Variants in DCC observed in about 807,000 individuals in gnomAD.
The protein encoded by DCC is netrin receptor DCC.
Under a neutral mutation model 172.5 loss-of-function variants are expected in DCC, and 58 were observed. The ratio of observed to expected loss-of-function variants is 0.34; its 90% CI spans 0.27 to 0.42. The LOEUF is 0.42. Among genes scored for constraint, DCC ranks in the 10% least tolerant of loss-of-function variants. The pLI, the probability that DCC is intolerant of heterozygous loss-of-function variation, is 1.00. For missense variants in DCC, 1,740 were observed against 1,791.0 expected (o/e 0.97, Z 0.51); for synonymous variants, 709 against 644.5 (o/e 1.10, Z -1.52).
chr18:52,783,629 A>G (rs1180735318), intron 2 of DCC, among the ~76,000 whole-genome samples: 1 of 151,882 alleles, frequency 6.6e-6, no homozygotes, highest in African/African-American at 2.4e-5. Flanking sequence ...AAGAGTCCTC[A>G]TGTCTAATCC....
At chr18:52,545,187 A>C (rs1463938430) in intron 1 of DCC, among the ~76,000 whole-genome samples, 3 of 152,204 alleles carry the variant, frequency 2.0e-5, no homozygotes, top group African/African-American at 7.2e-5. Context: ...GATTTAGTTT[A>C]TCAGGATATG....
At chr18:52,599,444 G>A (rs1169980371) in intron 1 of DCC, among the ~76,000 whole-genome samples, 5 of 152,114 alleles carry the variant, frequency 3.3e-5, no homozygotes, top group East Asian at 3.8e-4. Context: ...ATGTGGCTGC[G>A]TTCCAATAAT....
chr18:52,470,494 C>T (rs1304227620), intron 1 of DCC, among the ~76,000 whole-genome samples: 1 of 152,146 alleles, frequency 6.6e-6, no homozygotes, highest in Non-Finnish European at 1.5e-5. Context: ...AGTCTTTTCA[C>T]TTAGTCTGTA....
intron 25 of DCC, among the ~76,000 whole-genome samples, chr18:53,472,124 A>C (rs946352744): frequency 6.6e-6 from 1 of 152,180 alleles, no homozygotes; most frequent in African/African-American, 2.4e-5. Flanking sequence ...ATTTTACTAT[A>C]ATAAGTGCAA....
chr18:52,617,693 GT>G (rs2034409428), intron 1 of DCC, among the ~76,000 whole-genome samples: 1 of 151,822 alleles, frequency 6.6e-6, no homozygotes. Flanking sequence ...CTTTCTTACC[GT>G]TCTCTTACTT....
chr18:52,360,093 A>G (rs16954757), intron 1 of DCC, among the ~76,000 whole-genome samples: 1,686 of 152,270 alleles, frequency 0.011, 34 homozygotes, highest in African/African-American at 0.039. Flanking sequence ...TTTTTTTGCA[A>G]ATCACATTAA....
intron 1 of DCC, among the ~76,000 whole-genome samples, chr18:52,554,910 T>G (rs922068993): frequency 3.9e-5 from 6 of 151,998 alleles, no homozygotes; most frequent in Non-Finnish European, 7.4e-5. Context: ...ATTAATTAAT[T>G]TGAATAGAAT....
At chr18:53,213,161 TACA>T (rs1040050522) in intron 11 of DCC, among the ~76,000 whole-genome samples, 7 of 152,196 alleles carry the variant, frequency 4.6e-5, no homozygotes, top group Admixed American at 4.6e-4. Context: ...GAACAGTACC[TACA>T]ACAAAACACA....
chr18:52,459,928 T>C (rs938865503), intron 1 of DCC, among the ~76,000 whole-genome samples: 37 of 151,958 alleles, frequency 2.4e-4, no homozygotes, highest in African/African-American at 6.5e-4. Context: ...CATATATATA[T>C]ACACACCACA....
At chr18:53,074,437 G>A (rs971913067) in intron 7 of DCC, among the ~76,000 whole-genome samples, 9 of 152,120 alleles carry the variant, frequency 5.9e-5, no homozygotes, top group African/African-American at 2.2e-4. Context: ...TAGCTCATAA[G>A]CTTCCCTAGA....
intron 1 of DCC, among the ~76,000 whole-genome samples, chr18:52,694,876 T>C (rs886492875): frequency 1.3e-5 from 2 of 152,214 alleles, no homozygotes; most frequent in African/African-American, 4.8e-5. Flanking sequence ...ATAATTCTAC[T>C]GGTTCTCTGT....
chr18:52,860,222 A>C (rs1339659603), intron 2 of DCC, among the ~76,000 whole-genome samples: 2 of 152,222 alleles, frequency 1.3e-5, no homozygotes, highest in Non-Finnish European at 2.9e-5. Flanking sequence ...TTGTAGTTTA[A>C]ATCAGGTGTT....
At chr18:52,987,089 T>C (rs1407490635) in intron 5 of DCC, among the ~76,000 whole-genome samples, 1 of 152,158 alleles carries the variant, frequency 6.6e-6, no homozygotes, top group South Asian at 2.1e-4. Context: ...CCCAAAATGC[T>C]GGGATTACAG....
intron 8 of DCC, among the ~76,000 whole-genome samples, chr18:53,159,199 T>C (rs1271373519): frequency 1.3e-5 from 2 of 152,128 alleles, no homozygotes; most frequent in African/African-American, 4.8e-5. Flanking sequence ...ATCATGTTTT[T>C]ACATGGATTT....
chr18:52,714,155 A>G lies in DCC; in HGVS notation c.92-37899A>G, dbSNP rs193032149. Among the ~76,000 whole-genome samples the G allele has an allele frequency of 8.5e-5, 13 of 152,324 alleles. No homozygotes were observed. The East Asian group carries it at 1.7e-3, about 20-fold the overall frequency. ...TACCAGGTGGCAATGTTAAGGACAC[A>G]CTACTAGTAAGAAGCAGAACAAAGA... On this transcript the variant is annotated intron_variant, in intron 1 of 28. Coordinates refer to ENST00000442544, the MANE Select transcript of DCC (RefSeq NM_005215.4).
intron 22 of DCC, among the ~76,000 whole-genome samples, chr18:53,445,392 A>C (rs2145137980): frequency 6.6e-6 from 1 of 152,354 alleles, no homozygotes; most frequent in East Asian, 1.9e-4. Context: ...CTTCCTCGGA[A>C]GTGAACTTGT....
intron 1 of DCC, among the ~76,000 whole-genome samples, chr18:52,737,125 C>T (rs35713234): frequency 0.25 from 37,670 of 152,002 alleles, 5,134 homozygotes; most frequent in African/African-American, 0.36. Flanking sequence ...GCTCAGGAGA[C>T]CATGTCTTTG....
At chr18:52,695,092 T>C (rs1244973590) in intron 1 of DCC, among the ~76,000 whole-genome samples, 1 of 152,162 alleles carries the variant, frequency 6.6e-6, no homozygotes. Context: ...TAAAGCAGGT[T>C]GAAAGGAATG....
intron 1 of DCC, among the ~76,000 whole-genome samples, chr18:52,734,059 T>C (rs12458438): frequency 0.21 from 32,057 of 151,998 alleles, 3,973 homozygotes; most frequent in Admixed American, 0.31. Context: ...ATCTGTATCA[T>C]CTTTAAAAGA....
Sources: allele counts gnomAD v4.1 joint callset (sites outside exome capture counted in the v4.1 genomes callset), GRCh38; gene constraint gnomAD v4.1.1; transcripts MANE v1.5; gene names NCBI Gene and HGNC (gene_info 2026-07-23, HGNC 2026-07-21).